Variants in CCDC88A observed in about 807,000 individuals in gnomAD.
CCDC88A encodes coiled-coil and HOOK domain protein 88A.
A neutral mutation model predicts 234.3 loss-of-function variants in CCDC88A; 54 were observed. That is an observed-to-expected ratio of 0.23 (90% CI 0.19 to 0.29). CCDC88A has a LOEUF of 0.29. Ranked by LOEUF, CCDC88A falls within the 10% of genes least tolerant of loss-of-function variation. The pLI, the probability that CCDC88A is intolerant of heterozygous loss-of-function variation, is 1.00. For synonymous variants in CCDC88A, 753 were observed against 737.8 expected (o/e 1.02, Z -0.33); for missense variants, 1,832 against 2,123.4 (o/e 0.86, Z 2.70).
At chr2:55,330,440 T>C (rs1336748226) in intron 16 of CCDC88A, among the ~76,000 whole-genome samples, 2 of 151,926 alleles carry the variant, frequency 1.3e-5, no homozygotes, top group Non-Finnish European at 2.9e-5. Context: ...GCCACTGCAC[T>C]CCAACCTGGG....
chr2:55,384,558 T>C lies in CCDC88A; in HGVS notation c.273+4220A>G, dbSNP rs1336643010. Among the ~76,000 whole-genome samples the C allele has an allele frequency of 1.8e-4, 10 of 54,694 alleles. 1 individual carries two copies. The highest frequency in any genetic ancestry group is 4.1e-4 in the South Asian group (1 of 2,420). 35.9% of individuals were successfully genotyped at this position (54,694 alleles called of 152,430 possible). ...ATATATACGTATATATGTGTATATA[T>C]ACACATATATACGTATATATGTGTA... On this transcript the variant is annotated intron_variant, in intron 3 of 32. Transcript: ENST00000436346.
At chr2:55,357,520 A>G (rs757191162) in intron 7 of CCDC88A, among the ~76,000 whole-genome samples, 41 of 151,772 alleles carry the variant, frequency 2.7e-4, no homozygotes, top group Non-Finnish European at 4.6e-4. Flanking sequence ...TTATCTGTAA[A>G]TTCTCTTACT....
intron 2 of CCDC88A, among the ~76,000 whole-genome samples, chr2:55,402,887 T>C (rs951669372): frequency 2.6e-5 from 4 of 151,916 alleles, no homozygotes; most frequent in Admixed American, 1.3e-4. Flanking sequence ...TGGGCACCTG[T>C]AGTCCCAGTT....
chr2:55,404,547 T>G (rs1679238302), intron 2 of CCDC88A: 1 of 151,994 alleles, frequency 6.6e-6, no homozygotes, highest in Non-Finnish European at 1.5e-5. Flanking sequence ...AGAAATATAA[T>G]AAAAAGTAAA....
At position 55,332,285 on chromosome 2, in the gene CCDC88A, AT is replaced by A. The variant is rs1023704698; in HGVS notation, c.2855+280del. 59 of 190,346 alleles carry A rather than the reference AT, an allele frequency of 3.1e-4. No individual in the cohort carries two copies. The highest frequency in any genetic ancestry group is 9.3e-4 in the African/African-American group (39 of 42,008). The allele number at this position is 190,346 out of a possible 1,614,324, so 11.8% of individuals were successfully genotyped here. On this transcript the variant is annotated intron_variant, in intron 16 of 32. Coordinates refer to ENST00000436346, the MANE Select transcript of CCDC88A (RefSeq NM_001365480.1). This position sits in a 1 kb window ranked among gnomAD's most constrained non-coding sequence, Gnocchi z 4.5. ...AGGCATGCACCACCATGCCCAGCTA[AT>A]TTTTTTTGTATTTTTAGTAAAGACA... is the stretch of plus-strand genomic sequence containing the variant.
chr2:55,330,726 G>A (rs2104675587), intron 16 of CCDC88A, among the ~76,000 whole-genome samples: 1 of 152,238 alleles, frequency 6.6e-6, no homozygotes, highest in African/African-American at 2.4e-5. Context: ...AATTCATTAT[G>A]TAAATAAATA....
At chr2:55,292,960 C>T (rs1394100741) in intron 31 of CCDC88A, 3 of 151,716 alleles carry the variant, frequency 2.0e-5, no homozygotes, top group Non-Finnish European at 2.9e-5. Context: ...TTCCAACAGT[C>T]CTCAGGACAC....
chr2:55,338,001 A>C (rs1003523590), intron 13 of CCDC88A, among the ~76,000 whole-genome samples: 1 of 152,224 alleles, frequency 6.6e-6, no homozygotes, highest in Non-Finnish European at 1.5e-5. Context: ...AGATGGAAAT[A>C]TAAGAATAAC....
rs116622272 is a variant in CCDC88A, at chr2:55,384,104, C to T, written c.273+4674G>A. Among the ~76,000 whole-genome samples the T allele has an allele frequency of 7.1e-3, 1,076 of 151,954 alleles. 12 individuals are homozygous for T. Among genetic ancestry groups the T allele is most frequent in the African/African-American group, 0.024 (1,009 of 41,410 alleles). ...GTCCCAGCTACTTAGGAGGCTGAGG[C>T]GGAAGGATTGCTTGAGCCCAGAAGG... On this transcript the variant is annotated intron_variant, in intron 3 of 32. Transcript: ENST00000436346.
At chr2:55,410,608 G>C (rs981112742) in intron 2 of CCDC88A, among the ~76,000 whole-genome samples, 1 of 152,170 alleles carries the variant, frequency 6.6e-6, no homozygotes, top group African/African-American at 2.4e-5. Flanking sequence ...AAGTAGGCCA[G>C]GCACACTGGC....
At position 55,317,637 on chromosome 2, in the gene CCDC88A, G is replaced by C; in HGVS notation, c.3529C>G (p.Leu1177Val). ...HERQASEYES[L>V]ISKHGTLKSA... Reference sequence around the variant, plus strand: ...TTCAGAGTTCCATGTTTAGAGATAAGAGATTCATACTCTGAAGCCTGACGT... The same window carrying C: ...TTCAGAGTTCCATGTTTAGAGATAACAGATTCATACTCTGAAGCCTGACGT... The change falls in exon 20 of 33, where the codon CTT (leucine) becomes GTT (valine). Residue 1177 changes from leucine (L) to valine (V), a missense_variant. Leu to Val is a conservative substitution (Grantham distance 32, BLOSUM62 1). Coordinates refer to ENST00000436346, the MANE Select transcript of CCDC88A (RefSeq NM_001365480.1). The surrounding 1 kb of genome is among the most constrained non-coding windows in gnomAD (Gnocchi z 4.2). 1 of 1,610,852 alleles carries C rather than the reference G, an allele frequency of 6.2e-7. No homozygotes were observed. Among genetic ancestry groups the C allele is most frequent in the Non-Finnish European group, 8.5e-7 (1 of 1,177,646 alleles).
chr2:55,297,975 T>TA (rs1680398054), intron 29 of CCDC88A, among the ~76,000 whole-genome samples: 2 of 152,226 alleles, frequency 1.3e-5, no homozygotes, highest in African/African-American at 4.8e-5. Flanking sequence ...TATTCTTTTT[T>TA]AAATGTCTTG....
At chr2:55,365,300 G>A (rs941511511) in intron 5 of CCDC88A, among the ~76,000 whole-genome samples, 7 of 151,930 alleles carry the variant, frequency 4.6e-5, no homozygotes, top group South Asian at 2.1e-4. Flanking sequence ...TAAGAATTAC[G>A]TTCTAATCAT....
chr2:55,339,270 G>T, intron 13 of CCDC88A, 194 bp downstream of exon 13: 1 of 551,176 alleles, frequency 1.8e-6, no homozygotes, highest in Non-Finnish European at 3.0e-6. Context: ...AGATCAGCTA[G>T]TAAGTTCTTA....
At chr2:55,306,978 T>A (rs1681659472) in intron 25 of CCDC88A, among the ~76,000 whole-genome samples, 1 of 152,210 alleles carries the variant, frequency 6.6e-6, no homozygotes, top group Non-Finnish European at 1.5e-5. Flanking sequence ...TTGAGTGCTT[T>A]GAGAGTTGCC....
At chr2:55,377,211 T>C (rs1399630127) in intron 3 of CCDC88A, among the ~76,000 whole-genome samples, 2 of 150,962 alleles carry the variant, frequency 1.3e-5, no homozygotes, top group Admixed American at 6.6e-5. Context: ...TTTTTTTTTT[T>C]TTTGAGACAG....
intron 21 of CCDC88A, chr2:55,316,732 C>G (rs1288349417): frequency 6.6e-6 from 1 of 151,944 alleles, no homozygotes; most frequent in Non-Finnish European, 1.5e-5. Context: ...AAGATCCTAT[C>G]TCTCTCTCTC....
chr2:55,409,931 G>T (rs956609403), intron 2 of CCDC88A, among the ~76,000 whole-genome samples: 28 of 151,788 alleles, frequency 1.8e-4, no homozygotes, highest in Middle Eastern at 3.4e-3. Flanking sequence ...ATTAGAGACG[G>T]GGTTTCACCA....
intron 17 of CCDC88A, 127 bp from the exon 18 acceptor site, chr2:55,322,819 T>C (rs1375752082): frequency 6.3e-6 from 3 of 475,846 alleles, no homozygotes; most frequent in Non-Finnish European, 7.4e-6. Context: ...ATGTGATGAA[T>C]AATATGTATG....
Sources: gnomAD v4.1 joint callset for allele counts (sites outside exome capture counted in the v4.1 genomes callset) on GRCh38, gnomAD v4.1.1 for gene constraint, Gnocchi (gnomAD v3.1) non-coding constraint, MANE v1.5 for transcripts, NCBI Gene and HGNC (gene_info 2026-07-23, HGNC 2026-07-21) for gene names.